VPS33A: variants seen among roughly 807,000 people sequenced by gnomAD.
The protein encoded by VPS33A is vacuolar protein sorting-associated protein 33A.
A neutral mutation model predicts 71.8 loss-of-function variants in VPS33A; 32 were observed. The observed-to-expected ratio is 0.45, with a 90% confidence interval of 0.34 to 0.60. The LOEUF is 0.60. Ranked by LOEUF, VPS33A falls within the 20% of genes least tolerant of loss-of-function variation. The pLI, the probability that VPS33A is intolerant of heterozygous loss-of-function variation, is 0.02. For synonymous variants in VPS33A, 311 were observed against 292.7 expected (o/e 1.06, Z -0.64); for missense variants, 625 against 748.5 (o/e 0.84, Z 1.92).
intron 11 of VPS33A, among the ~76,000 whole-genome samples, chr12:122,233,622 C>T (rs1194174107): frequency 6.6e-6 from 1 of 152,176 alleles, no homozygotes; most frequent in Non-Finnish European, 1.5e-5. Flanking sequence ...GGCATTAATC[C>T]TACAGAGGTG....
At chr12:122,250,417 C>T (rs972836004) in intron 5 of VPS33A, among the ~76,000 whole-genome samples, 2 of 152,182 alleles carry the variant, frequency 1.3e-5, no homozygotes, top group Non-Finnish European at 2.9e-5. Context: ...TTGATCAATA[C>T]GTAACCCAGT....
At position 122,232,061 on chromosome 12, in the gene VPS33A, G is replaced by GA. The variant is rs370160099; in HGVS notation, c.*184dup. The GA allele has an allele frequency of 0.033, 13,653 of 414,510 alleles. No homozygotes were observed. The highest frequency in any genetic ancestry group is 0.058 in the South Asian group (1,394 of 23,976). The allele number at this position is 414,510 out of a possible 1,614,324, so 25.7% of individuals were successfully genotyped here. A position where few individuals can be genotyped will look rare whatever the true frequency, so the allele number is the denominator to read the frequency against. On this transcript the variant is annotated 3_prime_UTR_variant, in exon 13 of 13. Coordinates refer to ENST00000267199, the MANE Select transcript of VPS33A (RefSeq NM_022916.6). ...GACAGAGCAAGACTCCGTCTCAAAG[G>GA]AAAAAAAAAAAGGGAATACAAAAGA... is the stretch of plus-strand genomic sequence containing the variant.
Position 122,232,870 on chromosome 12 carries a change from C to T in VPS33A, c.1539G>A (p.Glu513=), listed in dbSNP as rs777479959. 1.9e-6 allele frequency: 3 copies of T among 1,613,998 alleles called. No homozygotes were observed. In the South Asian group the frequency reaches 3.3e-5, roughly 18 times the overall value. ...GGGGCCCTGGGAGGATGCGGAGGAC[C>T]TCCTCGATGCTCCGCCAGCCAGGCC... ...LSRPGWRSIE[E]VLRILPGPHF... is the part of the protein sequence containing the mutation. Residue 513 remains glutamate, a synonymous_variant, in exon 12 of 13, where the codon GAG becomes GAA. Transcript: ENST00000267199.
At chr12:122,247,141 G>C (rs992700766) in intron 6 of VPS33A, among the ~76,000 whole-genome samples, 4 of 152,096 alleles carry the variant, frequency 2.6e-5, no homozygotes, top group Non-Finnish European at 5.9e-5. Flanking sequence ...GATAATAACG[G>C]ATCTATGTTT....
intron 3 of VPS33A, 89 bp downstream of exon 3, chr12:122,263,483 G>C: frequency 6.9e-7 from 1 of 1,446,632 alleles, no homozygotes; most frequent in East Asian, 2.3e-5. Flanking sequence ...GCACTGGCAA[G>C]AGTGAGGGTC....
intron 9 of VPS33A, among the ~76,000 whole-genome samples, chr12:122,239,444 A>G (rs770571693): frequency 2.6e-5 from 4 of 152,178 alleles, no homozygotes; most frequent in Non-Finnish European, 5.9e-5. Context: ...GCTCTTAAAA[A>G]TATTTAAGTG....
At chr12:122,255,700 T>A (rs1361591353) in intron 4 of VPS33A, among the ~76,000 whole-genome samples, 1 of 92,276 alleles carries the variant, frequency 1.1e-5, no homozygotes, top group Non-Finnish European at 1.9e-5. Flanking sequence ...AGAGTGAGAC[T>A]CCGTCTCAAA....
chr12:122,235,507 G>T (rs1271355128), intron 11 of VPS33A, among the ~76,000 whole-genome samples: 1 of 151,756 alleles, frequency 6.6e-6, no homozygotes, highest in Admixed American at 6.6e-5. Context: ...CAAGTGATCT[G>T]CCCGCCTCGG....
chr12:122,265,795 T>G (rs1184108578), intron 1 of VPS33A: 1 of 435,600 alleles, frequency 2.3e-6, no homozygotes. Context: ...AGTTCCTGAC[T>G]CCCTTGTGAA....
In VPS33A at chr12:122,266,403, C is replaced by A. The variant is rs1210781698; in HGVS notation, c.6G>T (p.Ala2=). 2 of 1,610,492 alleles carry A rather than the reference C, an allele frequency of 1.2e-6. No individual in the cohort carries two copies. The highest frequency in any genetic ancestry group is 2.7e-5 in the African/African-American group (2 of 74,854). M[A]AHLSYGRVNL... ...TCACTCGGCCGTAGGACAGATGAGC[C>A]GCCATCTTGCTCCACCACCCCCTGC... The change falls in exon 1 of 13, where the codon GCG becomes GCT. Residue 2 remains alanine (A), a synonymous_variant. Transcript: ENST00000267199.
intron 11 of VPS33A, among the ~76,000 whole-genome samples, chr12:122,234,332 C>T (rs753811044): frequency 3.3e-5 from 5 of 152,212 alleles, no homozygotes; most frequent in East Asian, 1.9e-4. Flanking sequence ...TGCTGGAGTG[C>T]AGCAGTGCAA....
chr12:122,265,580 G>C (rs2136156470), intron 1 of VPS33A: 1 of 295,458 alleles, frequency 3.4e-6, no homozygotes, highest in Non-Finnish European at 7.3e-6. Context: ...ATTGAAACTG[G>C]GCCCCTATGA....
chr12:122,257,049 C>T (rs1954928644), intron 4 of VPS33A, among the ~76,000 whole-genome samples: 1 of 152,076 alleles, frequency 6.6e-6, no homozygotes, highest in Admixed American at 6.5e-5. Context: ...TGAGCTGTAG[C>T]TGCATATAAT....
chr12:122,266,112 C>T (rs1955066032), intron 1 of VPS33A, among the ~76,000 whole-genome samples, 195 bp downstream of exon 1: 1 of 151,754 alleles, frequency 6.6e-6, no homozygotes, highest in Non-Finnish European at 1.5e-5. Context: ...GCCACTCCGG[C>T]TCCAGGCTGT....
chr12:122,262,991 CTTTTTT>C (rs35647648), intron 3 of VPS33A, among the ~76,000 whole-genome samples: 1 of 127,880 alleles, frequency 7.8e-6, no homozygotes, highest in Non-Finnish European at 1.6e-5. Flanking sequence ...CAATTACACT[CTTTTTT>C]TTTTTTTTTT....
chr12:122,236,002 A>T (rs562114950), intron 10 of VPS33A, 79 bp from the exon 11 acceptor site: 1 of 1,532,486 alleles, frequency 6.5e-7, no homozygotes, highest in African/African-American at 1.4e-5. Context: ...CACTTCCAAC[A>T]AATCAATTTG....
At position 122,261,437 on chromosome 12, in the gene VPS33A, G is replaced by A. The variant is rs1251746381; in HGVS notation, c.307C>T (p.Arg103Ter). 1.2e-6 allele frequency: 2 copies of A among 1,613,678 alleles called. No individual in the cohort carries two copies. Among genetic ancestry groups the A allele is most frequent in the Non-Finnish European group, 1.7e-6 (2 of 1,179,890 alleles). Reference protein sequence around the residue: ...IAENVLSEDRRGPTRDFHILF... With the variant: ...IAENVLSEDR ...ATATGAAAATCTCTCGTTGGGCCTC[G>A]TCTATCTTCACTGCAAAGGAAGCAA... Residue 103 changes from arginine (R) to a stop codon, truncating the protein, a stop_gained, in exon 4 of 13, where the codon CGA becomes TGA. Coordinates refer to ENST00000267199, the MANE Select transcript of VPS33A (RefSeq NM_022916.6). LOFTEE classifies it high-confidence loss of function.
chr12:122,251,243 T>A (rs1954840131), intron 4 of VPS33A, 144 bp from the exon 5 acceptor site: 2 of 628,294 alleles, frequency 3.2e-6, no homozygotes, highest in Non-Finnish European at 5.5e-6. Flanking sequence ...GGACTCAAGT[T>A]CATTTTCCAA....
rs1329555443 is a variant in VPS33A, at chr12:122,231,884, C to T, written c.*362G>A. ...CCAGCCTGGCCAACATGGTGAAACACCATGGCTACTAAAAATACAAAAATT... is the reference window on the plus strand; with the variant it reads ...CCAGCCTGGCCAACATGGTGAAACATCATGGCTACTAAAAATACAAAAATT... On this transcript the variant is annotated 3_prime_UTR_variant, in exon 13 of 13. Coordinates refer to ENST00000267199, the MANE Select transcript of VPS33A (RefSeq NM_022916.6). 4 of 364,714 alleles carry T rather than the reference C, an allele frequency of 1.1e-5. No individual in the cohort carries two copies. Among genetic ancestry groups the T allele is most frequent in the African/African-American group, 2.1e-5 (1 of 47,898 alleles). 22.6% of individuals were successfully genotyped at this position (364,714 alleles called of 1,614,324 possible).
Sources: gnomAD v4.1 joint callset for allele counts (sites outside exome capture counted in the v4.1 genomes callset) on GRCh38, gnomAD v4.1.1 for gene constraint, MANE v1.5 for transcripts, NCBI Gene and HGNC (gene_info 2026-07-23, HGNC 2026-07-21) for gene names.